RUSF1: variants seen among roughly 807,000 people sequenced by gnomAD.
RUSF1 encodes RUS1 family protein C16orf58.
Under a neutral mutation model 63.0 loss-of-function variants are expected in RUSF1, and 58 were observed. The observed-to-expected ratio is 0.92, with a 90% CI of 0.75 to 1.15. RUSF1 has a LOEUF of 1.15. RUSF1 is among the 50% of genes most tolerant of loss of function. The pLI is 0.00. For missense variants in RUSF1, 652 were observed against 611.0 expected (o/e 1.07, Z -0.71); for synonymous variants, 274 against 255.8 (o/e 1.07, Z -0.68).
intron 7 of RUSF1, 32 bp downstream of exon 7, chr16:31,493,834 G>T: frequency 6.2e-7 from 1 of 1,614,148 alleles, no homozygotes; most frequent in Non-Finnish European, 8.5e-7. Context: ...GGCCCAGCTG[G>T]GGTTCTCCTG....
chr16:31,498,928 G>C (rs1427254289), intron 5 of RUSF1, among the ~76,000 whole-genome samples: 1 of 152,196 alleles, frequency 6.6e-6, no homozygotes, highest in Non-Finnish European at 1.5e-5. Flanking sequence ...GCAATTATGT[G>C]TGGTTTCCTT....
At position 31,489,941 on chromosome 16, in the gene RUSF1, G is replaced by A; in HGVS notation, c.*894C>T. Reference sequence around the variant, plus strand: ...TTGGGGTTTATCCCGAGGGCACAGGGCAGCCATGTAGGGTGGAGTTGGCAT... The same window carrying A: ...TTGGGGTTTATCCCGAGGGCACAGGACAGCCATGTAGGGTGGAGTTGGCAT... On this transcript the variant is annotated 3_prime_UTR_variant, in exon 13 of 13. Coordinates refer to ENST00000327237, the MANE Select transcript of RUSF1 (RefSeq NM_022744.4). 1 of 894,118 alleles carries A rather than the reference G, an allele frequency of 1.1e-6. No individual in the cohort carries two copies. Among genetic ancestry groups the A allele is most frequent in the Non-Finnish European group, 1.8e-6 (1 of 560,902 alleles). The allele number at this position is 894,118 out of a possible 1,614,324, so 55.4% of individuals were successfully genotyped here.
Position 31,490,208 on chromosome 16 carries a change from A to G in RUSF1, c.*627T>C. ...CACTCCCTGTACAGAATGGGTGCCC[A>G]GAGAGTGCCATGGAGATGAATGGTA... is the stretch of plus-strand genomic sequence containing the variant. On this transcript the variant is annotated 3_prime_UTR_variant, in exon 13 of 13. Transcript: ENST00000327237. The G allele has an allele frequency of 6.2e-7, 1 of 1,614,180 alleles. No homozygotes were observed. Among genetic ancestry groups the G allele is most frequent in the Non-Finnish European group, 8.5e-7 (1 of 1,180,006 alleles).
In RUSF1 at chr16:31,490,670, C is replaced by A; in HGVS notation, c.*165G>T. On this transcript the variant is annotated 3_prime_UTR_variant, in exon 13 of 13. Transcript: ENST00000327237. ...CTCCCCTTCTCCCGGCCTTCCTCTG[C>A]CTGGGGCCCACTGCATCTGATTGGC... 1 of 1,089,534 alleles carries A rather than the reference C, an allele frequency of 9.2e-7. No individual in the cohort carries two copies. Among genetic ancestry groups the A allele is most frequent in the Non-Finnish European group, 1.4e-6 (1 of 728,728 alleles). The allele number at this position is 1,089,534 out of a possible 1,614,324, so 67.5% of individuals were successfully genotyped here. A position where few individuals can be genotyped will look rare whatever the true frequency, so the allele number is the denominator to read the frequency against.
intron 2 of RUSF1, among the ~76,000 whole-genome samples, chr16:31,504,787 T>C (rs2082649994): frequency 6.6e-6 from 1 of 152,134 alleles, no homozygotes; most frequent in Admixed American, 6.5e-5. Context: ...ACTAAGAAAA[T>C]TGTTTTGCCT....
intron 6 of RUSF1, among the ~76,000 whole-genome samples, chr16:31,494,879 T>C (rs992148124): frequency 1.3e-5 from 2 of 152,150 alleles, no homozygotes; most frequent in African/African-American, 4.8e-5. Context: ...TCTTGCTATA[T>C]TGCCCAGGCT....
chr16:31,499,344 T>A lies in RUSF1; in HGVS notation c.558A>T (p.Pro186=). 6.2e-7 allele frequency: 1 copy of A among 1,613,668 alleles called. No individual in the cohort carries two copies. The highest frequency in any genetic ancestry group is 1.3e-5 in the African/African-American group (1 of 74,924). Residue 186 remains proline, a synonymous_variant, in exon 5 of 13, where the codon CCA becomes CCT. Transcript: ENST00000327237. ...MFLEIMAPVY[P]ICFTMTVSTS... ...TGGAGACGGTCATGGTGAAACAGAT[T>A]GGGTATACAGGAGCCATAATCTCAA...
At chr16:31,499,051 G>A (rs1567397430) in intron 5 of RUSF1, among the ~76,000 whole-genome samples, 1 of 152,210 alleles carries the variant, frequency 6.6e-6, no homozygotes, top group Non-Finnish European at 1.5e-5. Flanking sequence ...GTCAACATTG[G>A]ACAACCCCTT....
At chr16:31,500,165 C>T (rs111937543) in intron 3 of RUSF1, among the ~76,000 whole-genome samples, 5,711 of 152,206 alleles carry the variant, frequency 0.038, 372 homozygotes, top group African/African-American at 0.13. Flanking sequence ...GATACTGCAG[C>T]CCCAGCCCAG....
chr16:31,505,154 C>T (rs759913647), intron 2 of RUSF1, among the ~76,000 whole-genome samples: 5 of 152,094 alleles, frequency 3.3e-5, no homozygotes, highest in African/African-American at 7.2e-5. Context: ...GATATGCTGG[C>T]GGCAATGCTG....
chr16:31,491,707 G>A (rs1287781237), intron 12 of RUSF1, among the ~76,000 whole-genome samples: 2 of 149,726 alleles, frequency 1.3e-5, no homozygotes, highest in African/African-American at 2.5e-5. Context: ...ACCTCCCCCA[G>A]TTCAGGTGAT....
chr16:31,496,871 A>T lies in RUSF1; in HGVS notation c.680T>A (p.Val227Glu). ...HQARRNNMAD[V>E]SAKDSSQETL... The stretch of plus-strand genomic sequence containing the variant: ...CACCTGGCTGCTGTCCTTGGCTGAC[A>T]CGTCAGCCATGTTGTTCCTCCGAGC... Residue 227 changes from valine to glutamate, a missense_variant, in exon 6 of 13, where the codon GTG (valine) becomes GAG (glutamate). Transcript: ENST00000327237. 1 of 1,603,340 alleles carries T rather than the reference A, an allele frequency of 6.2e-7. No homozygotes were observed. Among genetic ancestry groups the T allele is most frequent in the Non-Finnish European group, 8.5e-7 (1 of 1,175,442 alleles).
intron 4 of RUSF1, 22 bp downstream of exon 4, chr16:31,499,471 C>T (rs1333273273): frequency 1.9e-6 from 3 of 1,601,554 alleles, no homozygotes; most frequent in Non-Finnish European, 2.6e-6. Context: ...GACTCCCCTC[C>T]CCCGTCCCCG....
intron 2 of RUSF1, among the ~76,000 whole-genome samples, chr16:31,503,627 C>T (rs936283373): frequency 3.3e-5 from 5 of 152,144 alleles, no homozygotes; most frequent in Admixed American, 2.6e-4. Context: ...CTTGTAAAAT[C>T]CTAATTGAGA....
chr16:31,493,300 A>T, intron 9 of RUSF1, 167 bp downstream of exon 9: 2 of 983,308 alleles, frequency 2.0e-6, no homozygotes, highest in Non-Finnish European at 3.1e-6. Context: ...GCTTCATGTT[A>T]TACACCCTTT....
rs766877388 is a variant in RUSF1 at position 31,499,342 on chromosome 16, A to T, written c.560T>A (p.Ile187Asn). 9.3e-6 allele frequency: 15 copies of T among 1,613,728 alleles called. No individual in the cohort carries two copies. The Middle Eastern group carries it at 4.9e-4, about 53-fold the overall frequency. The change falls in exon 5 of 13, where the codon ATC becomes AAC. Residue 187 changes from isoleucine to asparagine, a missense_variant. Ile to Asn is a moderately radical substitution (Grantham distance 149, BLOSUM62 -3). Transcript: ENST00000327237. ...GGTGGAGACGGTCATGGTGAAACAGATTGGGTATACAGGAGCCATAATCTC... is the reference window on the plus strand; with the variant it reads ...GGTGGAGACGGTCATGGTGAAACAGTTTGGGTATACAGGAGCCATAATCTC... Reference protein sequence around the residue: ...FLEIMAPVYPICFTMTVSTSN... With the variant: ...FLEIMAPVYPNCFTMTVSTSN...
Position 31,500,710 on chromosome 16 carries a change from C to G in RUSF1, c.437G>C (p.Arg146Pro). ...CCCTTTCCACCAGGCAAAGACGATG[C>G]GGCCCAGCATGCCAGTTGAATCTGG... ...LVKDSTGMLG[R>P]IVFAWWKGSK... Residue 146 changes from arginine (R) to proline (P), a missense_variant, in exon 3 of 13, where the codon CGC (arginine) becomes CCC (proline). Coordinates refer to ENST00000327237, the MANE Select transcript of RUSF1 (RefSeq NM_022744.4). The G allele has an allele frequency of 6.2e-7, 1 of 1,611,888 alleles. No homozygotes were observed. The highest frequency in any genetic ancestry group is 1.1e-5 in the South Asian group (1 of 90,796).
At position 31,507,952 on chromosome 16, in the gene RUSF1, TTCTTGG is replaced by T. The variant is rs543385368; in HGVS notation, c.301-80_301-75del. 594 of 1,534,972 alleles carry T rather than the reference TTCTTGG, an allele frequency of 3.9e-4. 3 individuals carry two copies. The African/African-American group carries it at 7.6e-3, about 20-fold the overall frequency. The stretch of plus-strand genomic sequence containing the variant: ...GTCTAAGTGCCTTCATCTGTTCTTG[TTCTTGG>T]TGTATGAGGCATGTCAGACCCCCCG... On this transcript the variant is annotated intron_variant, in intron 1 of 12. Transcript: ENST00000327237.
rs1403374854 is a variant in RUSF1 at position 31,507,783 on chromosome 16, C to T, written c.396G>A (p.Thr132=). Residue 132 remains threonine (T), a synonymous_variant, in exon 2 of 13, where the codon ACG becomes ACA. Coordinates refer to ENST00000327237, the MANE Select transcript of RUSF1 (RefSeq NM_022744.4). ...GCTCACCTTTCACGAGCCAGGTGGC[C>T]GTGGCAGCTGAAACAGTGGCTTTTG... ...GNAKATVSAA[T]ATWLVKDSTG... The T allele has an allele frequency of 6.4e-7, 1 of 1,570,202 alleles. No homozygotes were observed. Among genetic ancestry groups the T allele is most frequent in the South Asian group, 1.2e-5 (1 of 85,258 alleles).
Sources: gnomAD v4.1 joint callset for allele counts (sites outside exome capture counted in the v4.1 genomes callset) on GRCh38, gnomAD v4.1.1 for gene constraint, MANE v1.5 for transcripts, NCBI Gene and HGNC (gene_info 2026-07-23, HGNC 2026-07-21) for gene names.